The following A4GALT variants were observed in gnomAD, a reference collection of about 807,000 sequenced individuals.
A4GALT encodes the protein lactosylceramide 4-alpha-galactosyltransferase.
For missense variants in A4GALT, 512 were observed against 486.0 expected (o/e 1.05, Z -0.50); for synonymous variants, 257 against 220.7 (o/e 1.16, Z -1.46).
chr22:42,701,069 C>T (rs752031997), intron 1 of A4GALT, among the ~76,000 whole-genome samples: 6 of 152,290 alleles, frequency 3.9e-5, no homozygotes, highest in Non-Finnish European at 7.4e-5. Flanking sequence ...AAATCGGGTC[C>T]CCTCCCCACC....
Position 42,702,241 on chromosome 22 carries a change from C to T in A4GALT, c.-187-6610G>A, listed in dbSNP as rs144758710. ...GGCAGGAGACAGAGAGGGCCAGGGC[C>T]GGGCTCACAGGACTGAAGGCACCTA... On this transcript the variant is annotated intron_variant, in intron 1 of 2. Coordinates refer to ENST00000642412, the MANE Select transcript of A4GALT (RefSeq NM_017436.7). Among the ~76,000 whole-genome samples the T allele has an allele frequency of 3.4e-3, 510 of 152,112 alleles. 5 individuals carry two copies. The highest frequency in any genetic ancestry group is 0.011 in the African/African-American group (475 of 41,476).
chr22:42,718,592 A>C (rs903042237), intron 1 of A4GALT: 1 of 148,176 alleles, frequency 6.7e-6, no homozygotes, highest in Non-Finnish European at 1.5e-5. Context: ...AAGGTCTGGC[A>C]AAAAAAAAGG....
At chr22:42,709,445 T>C (rs949334872) in intron 1 of A4GALT, among the ~76,000 whole-genome samples, 5 of 152,206 alleles carry the variant, frequency 3.3e-5, no homozygotes, top group Non-Finnish European at 7.3e-5. Flanking sequence ...ATGAATATTA[T>C]TGTAAAAATC....
At chr22:42,720,307 C>T (rs529461936) in intron 1 of A4GALT, among the ~76,000 whole-genome samples, 250 of 83,016 alleles carry the variant, frequency 3.0e-3, no homozygotes, top group African/African-American at 9.8e-3. Context: ...CGCTGCCAGC[C>T]CGGCAGAGCC....
At chr22:42,720,166 G>C (rs1431038753) in intron 1 of A4GALT, among the ~76,000 whole-genome samples, 1 of 151,920 alleles carries the variant, frequency 6.6e-6, no homozygotes, top group Non-Finnish European at 1.5e-5. Flanking sequence ...TCCGAGGCGA[G>C]CGCGGAGGCC....
chr22:42,703,259 GTTTTT>G (rs59690136), intron 1 of A4GALT, among the ~76,000 whole-genome samples: 12 of 131,748 alleles, frequency 9.1e-5, no homozygotes, highest in African/African-American at 3.2e-4. Flanking sequence ...GTTTGTTTTT[GTTTTT>G]TTTTTTTTTG....
intron 1 of A4GALT, among the ~76,000 whole-genome samples, chr22:42,709,312 T>C (rs1389742235): frequency 1.5e-5 from 2 of 130,606 alleles, no homozygotes; most frequent in African/African-American, 5.7e-5. Context: ...CCCAAAATGC[T>C]GGAACTACAG....
At chr22:42,696,426 G>C (rs201083602) in intron 1 of A4GALT, among the ~76,000 whole-genome samples, 1 of 109,192 alleles carries the variant, frequency 9.2e-6, no homozygotes, top group Admixed American at 8.9e-5. Flanking sequence ...GTTTCAAAAA[G>C]GAAAAAAAAA....
intron 2 of A4GALT, chr22:42,694,710 C>T (rs1221771272): frequency 6.6e-6 from 1 of 152,366 alleles, no homozygotes; most frequent in Non-Finnish European, 1.5e-5. Context: ...AGGCATGAGA[C>T]CCCAACTCTG....
At chr22:42,721,212 G>A (rs1263556348), upstream of A4GALT, 2 of 152,212 alleles carry the variant, frequency 1.3e-5, no homozygotes, top group Non-Finnish European at 2.9e-5. Flanking sequence ...CTGGGACCCG[G>A]GTCGGCCTGA....
intron 1 of A4GALT, among the ~76,000 whole-genome samples, chr22:42,702,451 C>T (rs1052648813): frequency 6.6e-6 from 1 of 151,926 alleles, no homozygotes; most frequent in African/African-American, 2.4e-5. Flanking sequence ...AAGCGATTCT[C>T]TTGCCTCAGC....
At chr22:42,708,545 A>AGAAGGAAG (rs560108193) in intron 1 of A4GALT, among the ~76,000 whole-genome samples, 15,592 of 116,454 alleles carry the variant, frequency 0.13, 1,641 homozygotes, top group African/African-American at 0.26. Flanking sequence ...GAGGAAAGAG[A>AGAAGGAAG]GAAGGAAGGA....
rs374337123 is a variant in A4GALT at position 42,698,011 on chromosome 22, G to A, written c.-187-2380C>T. The stretch of plus-strand genomic sequence containing the variant: ...CACGCCTGTAATCCCGGCACTTTGG[G>A]AGGCTGAGGTGGGCGGATCATGAAG... On this transcript the variant is annotated intron_variant, in intron 1 of 2. Transcript: ENST00000642412. Among the ~76,000 whole-genome samples, 33 of 152,134 alleles carry A rather than the reference G, an allele frequency of 2.2e-4. No individual in the cohort carries two copies. The South Asian group carries it at 3.1e-3, about 14-fold the overall frequency.
At chr22:42,702,338 CTT>C (rs36007921) in intron 1 of A4GALT, among the ~76,000 whole-genome samples, 14 of 138,966 alleles carry the variant, frequency 1.0e-4, no homozygotes, top group East Asian at 6.2e-4. Flanking sequence ...GGAACACACT[CTT>C]TTTTTTTTTT....
At chr22:42,706,182 C>T (rs9623665) in intron 1 of A4GALT, among the ~76,000 whole-genome samples, 978 of 67,026 alleles carry the variant, frequency 0.015, 123 homozygotes, top group African/African-American at 0.03. Flanking sequence ...GGTGAAACCC[C>T]GTCTCTACTA....
chr22:42,701,536 C>T (rs757565107), intron 1 of A4GALT, among the ~76,000 whole-genome samples: 7 of 152,204 alleles, frequency 4.6e-5, no homozygotes, highest in Non-Finnish European at 7.3e-5. Context: ...GGAGAAAAGT[C>T]ACATGCACTG....
chr22:42,693,766 G>A lies in A4GALT; in HGVS notation c.186C>T (p.Pro62=), dbSNP rs778959307. 7 of 1,604,104 alleles carry A rather than the reference G, an allele frequency of 4.4e-6. No individual in the cohort carries two copies. In the South Asian group the frequency reaches 5.6e-5, roughly 13 times the overall value. The change falls in exon 3 of 3, where the codon CCC becomes CCT. Residue 62 remains proline (P), a synonymous_variant. Transcript: ENST00000642412. ...LYNLPAEIPC[P]TLTPPTPPSH... ...AGGGTGGGGTGGGGGGTGTCAAGGT[G>A]GGGCAGGGGATCTCTGCTGGCAGGT...
At chr22:42,714,274 CAAAAAAAAAAAAAAA>C (rs1163088658) in intron 1 of A4GALT, among the ~76,000 whole-genome samples, 4 of 16,152 alleles carry the variant, frequency 2.5e-4, no homozygotes, top group African/African-American at 3.3e-4. Context: ...GACTCTGTCT[CAAAAAAAAAAAAAAA>C]AAAAAAAAAA....
chr22:42,710,801 G>A (rs1340637753), intron 1 of A4GALT, among the ~76,000 whole-genome samples: 6 of 151,910 alleles, frequency 3.9e-5, no homozygotes, highest in African/African-American at 1.5e-4. Flanking sequence ...GCTGGTGAAT[G>A]GCTTGAGCTC....
Sources: allele counts gnomAD v4.1 joint callset (sites outside exome capture counted in the v4.1 genomes callset), GRCh38; gene constraint gnomAD v4.1.1; transcripts MANE v1.5; gene names NCBI Gene and HGNC (gene_info 2026-07-23, HGNC 2026-07-21).